The following PRR16 variants were observed in gnomAD, a reference collection of about 807,000 sequenced individuals.
PRR16 encodes proline rich 16, also known as protein Largen.
PRR16 carries 6 observed loss-of-function variants against 18.2 expected under a neutral mutation model. That is an observed-to-expected ratio of 0.33 (90% CI 0.18 to 0.65). PRR16 has a LOEUF of 0.65. PRR16 is among the 30% of genes least tolerant of loss of function. The probability of loss-of-function intolerance (pLI) is 0.74; values close to 1 mark genes in which losing one functional copy is unlikely to be tolerated. For missense variants in PRR16, 412 were observed against 376.6 expected, an observed-to-expected ratio of 1.09 and a Z score of -0.78; for synonymous variants, 151 against 147.8, an observed-to-expected ratio of 1.02 and a Z score of -0.16.
Position 120,686,857 on chromosome 5 carries a change from C to A in PRR16, c.*148C>A. 1 of 527,982 alleles carries A rather than the reference C, an allele frequency of 1.9e-6. No homozygotes were observed. The highest frequency in any genetic ancestry group is 3.1e-6 in the Non-Finnish European group (1 of 327,850). 32.7% of individuals were successfully genotyped at this position (527,982 alleles called of 1,614,324 possible). Reference sequence around the variant, plus strand: ...GCATAAAAATCACCTGGTAAGTATGCAGCACATTGCTTATATCCTGGGTAT... The same window carrying A: ...GCATAAAAATCACCTGGTAAGTATGAAGCACATTGCTTATATCCTGGGTAT... On this transcript the variant is annotated 3_prime_UTR_variant, in exon 2 of 2. Coordinates refer to ENST00000407149, the MANE Select transcript of PRR16 (RefSeq NM_001300783.2).
chr5:120,651,943 G>C lies in PRR16; in HGVS notation c.160-34011G>C, dbSNP rs527739414. Among the ~76,000 whole-genome samples the C allele has an allele frequency of 6.0e-3, 907 of 152,052 alleles. 15 individuals carry two copies. The highest frequency in any genetic ancestry group is 0.021 in the African/African-American group (853 of 41,500). The stretch of plus-strand genomic sequence containing the variant: ...GCAGTATGGCCATTTTCACGATATT[G>C]ATTCTTCCTACCCATGAGCATGGAA... On this transcript the variant is annotated intron_variant, in intron 1 of 1. Coordinates refer to ENST00000407149, the MANE Select transcript of PRR16 (RefSeq NM_001300783.2).
intron 1 of PRR16, among the ~76,000 whole-genome samples, chr5:120,529,482 C>T (rs1415128241): frequency 3.9e-5 from 6 of 152,056 alleles, no homozygotes; most frequent in Admixed American, 3.9e-4. Flanking sequence ...TCTGATTTGT[C>T]CTCTGTAAAA....
Position 120,625,607 on chromosome 5 carries a change from G to C in PRR16, c.160-60347G>C, listed in dbSNP as rs192559556. On this transcript the variant is annotated intron_variant, in intron 1 of 1. Coordinates refer to ENST00000407149, the MANE Select transcript of PRR16 (RefSeq NM_001300783.2). ...CTTGCCTTGGCCTCCCAAAGTGCTG[G>C]GATTACAGGTAAAAGCCACTGTGTG... Among the ~76,000 whole-genome samples the C allele has an allele frequency of 8.2e-4, 125 of 152,194 alleles. 1 individual carries two copies. The highest frequency in any genetic ancestry group is 7.3e-3 in the Admixed American group (111 of 15,272).
intron 1 of PRR16, among the ~76,000 whole-genome samples, chr5:120,663,576 C>A (rs1331080936): frequency 1.3e-5 from 2 of 152,164 alleles, no homozygotes; most frequent in East Asian, 3.9e-4. Context: ...AGATTTCATT[C>A]TTCATCATGC....
At chr5:120,706,615 G>T in the PRR16 span, among the ~76,000 whole-genome samples, 1 of 152,224 alleles carries the variant, frequency 6.6e-6, no homozygotes, top group East Asian at 1.9e-4. Flanking sequence ...AGGGGTCTGA[G>T]AAAAAGTAAC....
At chr5:120,665,184 G>C (rs1289413102) in intron 1 of PRR16, among the ~76,000 whole-genome samples, 8 of 135,124 alleles carry the variant, frequency 5.9e-5, no homozygotes, top group Middle Eastern at 3.6e-3. Context: ...TTGTGGTTTT[G>C]ATTTGCATTT....
the PRR16 span, among the ~76,000 whole-genome samples, chr5:120,780,411 A>T: frequency 1.3e-5 from 2 of 152,238 alleles, no homozygotes; most frequent in Non-Finnish European, 2.9e-5. Flanking sequence ...AACTAATTTA[A>T]TTGTTTATTT....
chr5:120,508,087 C>T (rs938862078), intron 1 of PRR16, among the ~76,000 whole-genome samples: 4 of 152,002 alleles, frequency 2.6e-5, no homozygotes, highest in Admixed American at 6.6e-5. Flanking sequence ...ATGTCATTGG[C>T]GGGTTTTCTG....
the PRR16 span, among the ~76,000 whole-genome samples, chr5:120,760,050 C>T: frequency 1.3e-5 from 2 of 152,014 alleles, no homozygotes; most frequent in African/African-American, 2.4e-5. Context: ...AGCAAAAAGA[C>T]CTAAATATGC....
the PRR16 span, among the ~76,000 whole-genome samples, chr5:120,784,568 C>T: frequency 6.6e-6 from 1 of 151,906 alleles, no homozygotes; most frequent in African/African-American, 2.4e-5. Flanking sequence ...AACTCAATAA[C>T]CAGAATATGT....
At chr5:120,511,466 C>A (rs565250390) in intron 1 of PRR16, among the ~76,000 whole-genome samples, 1 of 152,214 alleles carries the variant, frequency 6.6e-6, no homozygotes, top group African/African-American at 2.4e-5. Flanking sequence ...TTGGGCTTTA[C>A]CAAATGGCTT....
chr5:120,741,789 C>T, the PRR16 span, among the ~76,000 whole-genome samples: 9 of 152,032 alleles, frequency 5.9e-5, 1 homozygote, highest in Middle Eastern at 3.4e-3. Flanking sequence ...TTAGTAGAGA[C>T]GGGTTTTCTC....
chr5:120,755,473 A>G, the PRR16 span, among the ~76,000 whole-genome samples: 1 of 152,070 alleles, frequency 6.6e-6, no homozygotes, highest in Non-Finnish European at 1.5e-5. Flanking sequence ...TTATGTGAGA[A>G]CATGCAGTAT....
intron 1 of PRR16, among the ~76,000 whole-genome samples, chr5:120,475,577 G>A (rs1161857312): frequency 6.6e-6 from 1 of 151,752 alleles, no homozygotes; most frequent in Non-Finnish European, 1.5e-5. Flanking sequence ...GTTTCTATAA[G>A]AAATGAAAAA....
At chr5:120,659,462 G>T (rs1199357493) in intron 1 of PRR16, among the ~76,000 whole-genome samples, 4 of 151,858 alleles carry the variant, frequency 2.6e-5, no homozygotes, top group Admixed American at 6.6e-5. Flanking sequence ...TATAATACTT[G>T]TACATATTTT....
At chr5:120,786,964 TCC>T in the PRR16 span, among the ~76,000 whole-genome samples, 1 of 152,066 alleles carries the variant, frequency 6.6e-6, no homozygotes, top group South Asian at 2.1e-4. Context: ...ACCTATTCCA[TCC>T]AAAAAGTGAG....
intron 1 of PRR16, among the ~76,000 whole-genome samples, chr5:120,530,271 ATATATATATATATTTATTTATT>A (rs1404593627): frequency 1.6e-5 from 2 of 123,904 alleles, no homozygotes; most frequent in Non-Finnish European, 3.3e-5. Flanking sequence ...ATATATATAT[ATATATATATATATTTATTTATT>A]TATTTATTTA....
chr5:120,641,085 G>A (rs888291641), intron 1 of PRR16, among the ~76,000 whole-genome samples: 1 of 152,152 alleles, frequency 6.6e-6, no homozygotes, highest in Non-Finnish European at 1.5e-5. Context: ...TAACAAACAA[G>A]TAAAGGGAAA....
intron 1 of PRR16, among the ~76,000 whole-genome samples, chr5:120,672,290 G>A (rs1756636974): frequency 7.3e-6 from 1 of 137,922 alleles, no homozygotes; most frequent in African/African-American, 2.6e-5. Flanking sequence ...GTTGTGGGGG[G>A]AAACAGAGGA....
Sources: gnomAD v4.1 joint callset for allele counts (sites outside exome capture counted in the v4.1 genomes callset) on GRCh38, gnomAD v4.1.1 for gene constraint, MANE v1.5 for transcripts, NCBI Gene and HGNC (gene_info 2026-07-23, HGNC 2026-07-21) for gene names.